ZDHHC20: variants seen among roughly 807,000 people sequenced by gnomAD.
ZDHHC20 encodes palmitoyltransferase ZDHHC20.
ZDHHC20 carries 43 observed loss-of-function variants against 57.8 expected under a neutral mutation model. That is an observed-to-expected ratio of 0.74 (90% CI 0.58 to 0.96). The LOEUF (loss-of-function observed/expected upper bound fraction) is 0.96. Among genes scored for constraint, ZDHHC20 ranks in the 40% least tolerant of loss-of-function variants. ZDHHC20 has a pLI of 0.00. For synonymous variants in ZDHHC20, 157 were observed against 153.0 expected (o/e 1.03, Z -0.19); for missense variants, 391 against 441.1 (o/e 0.89, Z 1.02).
chr13:21,441,831 T>C (rs888660363), intron 1 of ZDHHC20, among the ~76,000 whole-genome samples: 1 of 152,162 alleles, frequency 6.6e-6, no homozygotes, highest in Non-Finnish European at 1.5e-5. Context: ...TCTCTTGGCT[T>C]TTCAACATAC....
At chr13:21,439,397 G>T (rs1245409343) in intron 1 of ZDHHC20, among the ~76,000 whole-genome samples, 1 of 152,122 alleles carries the variant, frequency 6.6e-6, no homozygotes, top group Non-Finnish European at 1.5e-5. Context: ...CTACTAAAGA[G>T]GCTGAGGCAG....
chr13:21,450,036 G>T (rs902804668), intron 1 of ZDHHC20, among the ~76,000 whole-genome samples: 15 of 151,984 alleles, frequency 9.9e-5, no homozygotes, highest in African/African-American at 3.4e-4. Flanking sequence ...AGAAGCAGCT[G>T]GATTTTAGAC....
chr13:21,387,656 A>G, intron 8 of ZDHHC20, 22 bp from the exon 9 acceptor site: 2 of 1,335,938 alleles, frequency 1.5e-6, no homozygotes, highest in Non-Finnish European at 1.9e-6. Context: ...ACATACATAT[A>G]TAAACTAATT....
intron 11 of ZDHHC20, 108 bp from the exon 12 acceptor site, chr13:21,378,846 C>T (rs1872725025): frequency 1.8e-6 from 1 of 541,962 alleles, no homozygotes; most frequent in African/African-American, 1.9e-5. Flanking sequence ...CATGTAAATA[C>T]AAAATAGGCT....
chr13:21,400,857 C>T (rs760234121), intron 6 of ZDHHC20, among the ~76,000 whole-genome samples: 1 of 151,978 alleles, frequency 6.6e-6, no homozygotes, highest in Non-Finnish European at 1.5e-5. Flanking sequence ...ATTACAGGCG[C>T]CCAACACAAC....
intron 9 of ZDHHC20, among the ~76,000 whole-genome samples, chr13:21,384,355 G>A (rs907849764): frequency 3.3e-5 from 5 of 150,354 alleles, no homozygotes; most frequent in Admixed American, 6.7e-5. Context: ...CATACGAATC[G>A]CTTGAACCCG....
intron 1 of ZDHHC20, among the ~76,000 whole-genome samples, chr13:21,432,499 T>G (rs983835994): frequency 2.0e-5 from 3 of 151,938 alleles, no homozygotes; most frequent in African/African-American, 7.2e-5. Context: ...CTGACTAATT[T>G]TTTTTGTGTT....
chr13:21,377,630 C>T (rs1362927805), intron 12 of ZDHHC20: 1 of 189,772 alleles, frequency 5.3e-6, no homozygotes, highest in Non-Finnish European at 1.0e-5. Context: ...GTGACCTCCA[C>T]CCCTAGTGCC....
chr13:21,421,014 T>G (rs1338492111), intron 3 of ZDHHC20, 47 bp downstream of exon 3: 1 of 1,499,144 alleles, frequency 6.7e-7, no homozygotes, highest in East Asian at 2.3e-5. Flanking sequence ...GAAAAAAAAT[T>G]CCATAATCAG....
chr13:21,431,463 C>T (rs140028925), intron 1 of ZDHHC20, among the ~76,000 whole-genome samples: 1,853 of 124,588 alleles, frequency 0.015, 39 homozygotes, highest in African/African-American at 0.046. Flanking sequence ...CACAGCCAAA[C>T]AATATCAATT....
At chr13:21,414,527 A>ATTTTTTTTTTTTTTTTTTT (rs747307477) in intron 3 of ZDHHC20, among the ~76,000 whole-genome samples, 29 of 107,520 alleles carry the variant, frequency 2.7e-4, no homozygotes, top group Non-Finnish European at 4.1e-4. Context: ...TGCCCGGATA[A>ATTTTTTTTTTTTTTTTTTT]TTTTTTTTTT....
chr13:21,420,417 G>A (rs79745409), intron 3 of ZDHHC20, among the ~76,000 whole-genome samples: 2,262 of 152,308 alleles, frequency 0.015, 24 homozygotes, highest in Admixed American at 0.025. Flanking sequence ...AGCTTGGAGA[G>A]ATTAAATTGT....
intron 4 of ZDHHC20, among the ~76,000 whole-genome samples, chr13:21,411,536 A>G (rs1566087452): frequency 1.3e-5 from 2 of 152,230 alleles, no homozygotes; most frequent in Non-Finnish European, 2.9e-5. Flanking sequence ...TGGTAACATC[A>G]GGAATGAGTA....
chr13:21,385,605 T>TGG (rs775646816), intron 9 of ZDHHC20, among the ~76,000 whole-genome samples: 7 of 152,138 alleles, frequency 4.6e-5, no homozygotes, highest in Non-Finnish European at 1.0e-4. Flanking sequence ...CAATGACCTG[T>TGG]GGGTCACTAT....
Position 21,458,280 on chromosome 13 carries a change from T to C in ZDHHC20, c.118+774A>G, listed in dbSNP as rs142428260. 6.4e-3 allele frequency among the ~76,000 whole-genome samples: 979 copies of C among 152,324 alleles called. 10 individuals carry two copies. The highest frequency in any genetic ancestry group is 0.022 in the African/African-American group (933 of 41,568). On this transcript the variant is annotated intron_variant, in intron 1 of 12. Transcript: ENST00000400590. ...TCCAGGGAATCAGATGAGAATTTTG[T>C]GCTAAGAACTTATCAGGAAAATGGA...
intron 1 of ZDHHC20, among the ~76,000 whole-genome samples, chr13:21,446,306 T>C (rs1342929989): frequency 1.3e-5 from 2 of 152,240 alleles, no homozygotes; most frequent in Non-Finnish European, 2.9e-5. Flanking sequence ...AAAATCAGTA[T>C]AATCTCAAAC....
intron 4 of ZDHHC20, among the ~76,000 whole-genome samples, chr13:21,406,922 G>GT (rs1386012153): frequency 6.6e-6 from 1 of 152,118 alleles, no homozygotes. Context: ...GGGTCAAATG[G>GT]TATTTCTGGT....
At chr13:21,401,108 T>C (rs942902754) in intron 6 of ZDHHC20, among the ~76,000 whole-genome samples, 32 of 151,756 alleles carry the variant, frequency 2.1e-4, no homozygotes, top group Non-Finnish European at 3.8e-4. Context: ...AGAGACCCCA[T>C]CTCTATTAAA....
chr13:21,424,678 T>C (rs982482965), intron 2 of ZDHHC20, among the ~76,000 whole-genome samples: 1 of 148,996 alleles, frequency 6.7e-6, no homozygotes, highest in African/African-American at 2.5e-5. Context: ...GCCACTGCAC[T>C]CCAGCCTGGG....
Sources: gnomAD v4.1 joint callset for allele counts (sites outside exome capture counted in the v4.1 genomes callset) on GRCh38, gnomAD v4.1.1 for gene constraint, MANE v1.5 for transcripts, NCBI Gene and HGNC (gene_info 2026-07-23, HGNC 2026-07-21) for gene names.